Variants in FGGY observed in about 807,000 individuals in gnomAD.
FGGY encodes FGGY carbohydrate kinase domain-containing protein.
Under a neutral mutation model 71.3 loss-of-function variants are expected in FGGY, and 72 were observed. The observed-to-expected ratio is 1.01, with a 90% CI of 0.84 to 1.23. The LOEUF is 1.23. FGGY is among the 50% of genes most tolerant of loss of function. FGGY has a pLI of 0.00. For missense variants in FGGY, 668 were observed against 682.3 expected, an observed-to-expected ratio of 0.98 and a Z score of 0.23; for synonymous variants, 251 against 250.3, an observed-to-expected ratio of 1.00 and a Z score of -0.02.
chr1:59,513,666 A>G (rs2094570072), intron 7 of FGGY, among the ~76,000 whole-genome samples: 1 of 152,208 alleles, frequency 6.6e-6, no homozygotes, highest in African/African-American at 2.4e-5. Context: ...ACTCCTTGAG[A>G]ACAGGAACAT....
chr1:59,474,943 C>T (rs957663583), intron 6 of FGGY, among the ~76,000 whole-genome samples: 4 of 152,116 alleles, frequency 2.6e-5, no homozygotes, highest in African/African-American at 9.7e-5. Flanking sequence ...GTAAGTATAT[C>T]ATGAGGATGA....
intron 5 of FGGY, among the ~76,000 whole-genome samples, chr1:59,400,296 C>G (rs2061791780): frequency 6.6e-6 from 1 of 152,226 alleles, no homozygotes; most frequent in South Asian, 2.1e-4. Context: ...CCCATTCACT[C>G]AACCTCCTAC....
intron 6 of FGGY, among the ~76,000 whole-genome samples, chr1:59,468,690 G>T (rs1355149821): frequency 6.6e-6 from 1 of 151,996 alleles, no homozygotes; most frequent in Non-Finnish European, 1.5e-5. Flanking sequence ...GGCTAACATG[G>T]TGAAACCCTG....
chr1:59,589,640 A>G (rs192190706), intron 8 of FGGY, among the ~76,000 whole-genome samples: 1 of 152,216 alleles, frequency 6.6e-6, no homozygotes, highest in Non-Finnish European at 1.5e-5. Flanking sequence ...AACTCACTCA[A>G]AACCGCTCAA....
At chr1:59,607,733 A>G (rs2096636711) in intron 8 of FGGY, 70 bp from the exon 9 acceptor site, 2 of 1,197,322 alleles carry the variant, frequency 1.7e-6, no homozygotes, top group Non-Finnish European at 2.4e-6. Context: ...TCATAGAAAT[A>G]TTAGGAGGAG....
chr1:59,674,336 G>A (rs922702023), intron 14 of FGGY, among the ~76,000 whole-genome samples: 3 of 152,238 alleles, frequency 2.0e-5, no homozygotes, highest in Admixed American at 6.5e-5. Flanking sequence ...CGTGTTGGTC[G>A]TTCTGTTTTT....
chr1:59,369,266 C>T (rs1180556126), intron 4 of FGGY, among the ~76,000 whole-genome samples: 2 of 152,346 alleles, frequency 1.3e-5, no homozygotes, highest in East Asian at 3.9e-4. Flanking sequence ...TTATATCCTG[C>T]ACATGGCTCG....
At chr1:59,604,601 G>A (rs890819026) in intron 8 of FGGY, among the ~76,000 whole-genome samples, 1 of 152,218 alleles carries the variant, frequency 6.6e-6, no homozygotes, top group African/African-American at 2.4e-5. Context: ...GTGGGACAGG[G>A]GATGGGGAGA....
At chr1:59,617,357 CT>C (rs1229133131) in intron 9 of FGGY, among the ~76,000 whole-genome samples, 4 of 152,074 alleles carry the variant, frequency 2.6e-5, no homozygotes. Flanking sequence ...AAATGCAGAT[CT>C]TCCATTACAA....
intron 5 of FGGY, among the ~76,000 whole-genome samples, chr1:59,452,748 T>A (rs1332723911): frequency 6.6e-6 from 1 of 152,224 alleles, no homozygotes; most frequent in East Asian, 1.9e-4. Context: ...CAACAGCAAG[T>A]GGCCCCTTCT....
intron 4 of FGGY, among the ~76,000 whole-genome samples, chr1:59,346,771 A>G (rs1014427850): frequency 1.3e-5 from 2 of 152,052 alleles, no homozygotes; most frequent in African/African-American, 2.4e-5. Flanking sequence ...CAGAATTTGA[A>G]CCTAAGACTG....
intron 2 of FGGY, chr1:59,331,984 A>G (rs2048578474): frequency 6.6e-6 from 1 of 152,272 alleles, no homozygotes; most frequent in Admixed American, 6.5e-5. Context: ...ATGTCTATGA[A>G]GCCCCAGGCT....
chr1:59,587,151 C>A (rs9436594), intron 8 of FGGY, among the ~76,000 whole-genome samples: 21,234 of 152,212 alleles, frequency 0.14, 1,738 homozygotes, highest in Admixed American at 0.23. Flanking sequence ...TATCCCGCAC[C>A]TGGCTTGGAG....
At chr1:59,739,059 G>A (rs973734385) in intron 14 of FGGY, among the ~76,000 whole-genome samples, 2 of 152,208 alleles carry the variant, frequency 1.3e-5, no homozygotes, top group African/African-American at 2.4e-5. Context: ...GGGGAACAGA[G>A]CATTCCTGAA....
intron 5 of FGGY, among the ~76,000 whole-genome samples, chr1:59,412,901 G>A (rs1447962906): frequency 6.6e-6 from 1 of 152,144 alleles, no homozygotes; most frequent in Non-Finnish European, 1.5e-5. Flanking sequence ...ACTGATAAGG[G>A]GTCAGCAAGA....
intron 8 of FGGY, among the ~76,000 whole-genome samples, chr1:59,583,051 A>C (rs973246180): frequency 8.4e-5 from 10 of 119,152 alleles, no homozygotes; most frequent in African/African-American, 3.3e-4. Context: ...CATCAGTAGG[A>C]AGATCTGGCA....
chr1:59,736,819 A>G (rs538460088), intron 14 of FGGY, among the ~76,000 whole-genome samples: 3 of 152,384 alleles, frequency 2.0e-5, no homozygotes, highest in South Asian at 2.1e-4. Flanking sequence ...AGAAATGTGT[A>G]TAAGTAACAA....
chr1:59,632,622 C>T (rs55744921), intron 10 of FGGY, among the ~76,000 whole-genome samples: 5,941 of 152,246 alleles, frequency 0.039, 188 homozygotes, highest in African/African-American at 0.089. Flanking sequence ...TAAGAATCTG[C>T]AGTATGTTTG....
At chr1:59,582,816 CAA>C (rs2096218801) in intron 8 of FGGY, among the ~76,000 whole-genome samples, 1 of 150,312 alleles carries the variant, frequency 6.7e-6, no homozygotes, top group African/African-American at 2.5e-5. Flanking sequence ...GCTCCTCACA[CAA>C]AGTCAGCTTT....
Sources: gnomAD v4.1 joint callset for allele counts (sites outside exome capture counted in the v4.1 genomes callset) on GRCh38, gnomAD v4.1.1 for gene constraint, MANE v1.5 for transcripts, NCBI Gene and HGNC (gene_info 2026-07-23, HGNC 2026-07-21) for gene names.